ALDH18A1: variants seen among roughly 807,000 people sequenced by gnomAD.
ALDH18A1 encodes the protein aldehyde dehydrogenase 18 family member A1, also known as delta-1-pyrroline-5-carboxylate synthase.
A neutral mutation model predicts 88.8 loss-of-function variants in ALDH18A1; 44 were observed. The ratio of observed to expected loss-of-function variants is 0.50; its 90% CI spans 0.39 to 0.64. The LOEUF (loss-of-function observed/expected upper bound fraction) is 0.64. Ranked by LOEUF, ALDH18A1 falls within the 30% of genes least tolerant of loss-of-function variation. ALDH18A1 has a pLI of 0.00. For synonymous variants in ALDH18A1, 331 were observed against 372.1 expected (o/e 0.89, Z 1.27); for missense variants, 782 against 1,009.5 (o/e 0.77, Z 3.05).
At chr10:95,655,701 TG>T (rs2097916983) in intron 1 of ALDH18A1, among the ~76,000 whole-genome samples, 1 of 151,980 alleles carries the variant, frequency 6.6e-6, no homozygotes, top group East Asian at 1.9e-4. Context: ...TGTGTGTGTG[TG>T]TGTGTGTATC....
chr10:95,626,012 G>C (rs1175489937), intron 10 of ALDH18A1, among the ~76,000 whole-genome samples: 1 of 152,106 alleles, frequency 6.6e-6, no homozygotes, highest in Non-Finnish European at 1.5e-5. Flanking sequence ...CCCCAAACCT[G>C]ACCCTGCTAG....
intron 3 of ALDH18A1, among the ~76,000 whole-genome samples, chr10:95,642,051 A>G (rs1451946904): frequency 6.6e-6 from 1 of 152,208 alleles, no homozygotes; most frequent in Admixed American, 6.5e-5. Flanking sequence ...CAATTTCCCA[A>G]TATTAACACC....
chr10:95,655,518 G>C (rs2097916523), intron 1 of ALDH18A1, among the ~76,000 whole-genome samples: 1 of 150,182 alleles, frequency 6.7e-6, no homozygotes, highest in Admixed American at 6.7e-5. Flanking sequence ...TTAACCAAGA[G>C]TCATTGAAAG....
intron 11 of ALDH18A1, among the ~76,000 whole-genome samples, chr10:95,622,622 C>G (rs916475360): frequency 4.6e-5 from 7 of 152,190 alleles, no homozygotes; most frequent in Non-Finnish European, 8.8e-5. Flanking sequence ...ACTGCAAGCT[C>G]CACCTCCAGG....
At chr10:95,619,345 T>C (rs931725309) in intron 12 of ALDH18A1, among the ~76,000 whole-genome samples, 7 of 152,158 alleles carry the variant, frequency 4.6e-5, no homozygotes, top group Non-Finnish European at 7.3e-5. Flanking sequence ...ATCAATATCA[T>C]GAAAATGGCC....
intron 12 of ALDH18A1, among the ~76,000 whole-genome samples, chr10:95,619,629 C>T (rs941029555): frequency 6.6e-6 from 1 of 152,138 alleles, no homozygotes; most frequent in Non-Finnish European, 1.5e-5. Context: ...TAAGAAATAA[C>T]ACCACACATC....
chr10:95,641,862 G>A (rs776205134), intron 3 of ALDH18A1, among the ~76,000 whole-genome samples: 3 of 151,972 alleles, frequency 2.0e-5, no homozygotes, highest in African/African-American at 4.8e-5. Flanking sequence ...GGCTGGTCTC[G>A]AACTCCTGGG....
At chr10:95,649,148 T>C (rs1316234993) in intron 2 of ALDH18A1, among the ~76,000 whole-genome samples, 1 of 152,144 alleles carries the variant, frequency 6.6e-6, no homozygotes, top group Non-Finnish European at 1.5e-5. Flanking sequence ...CAAATGATGC[T>C]GGAACAACTA....
intron 5 of ALDH18A1, among the ~76,000 whole-genome samples, chr10:95,635,022 T>G (rs1392902773): frequency 6.6e-6 from 1 of 152,134 alleles, no homozygotes; most frequent in East Asian, 1.9e-4. Flanking sequence ...CTTAATGGTA[T>G]ATAAAACACA....
In ALDH18A1 at chr10:95,606,389, A is replaced by T. The variant is rs1436129496; in HGVS notation, c.*373T>A. On this transcript the variant is annotated 3_prime_UTR_variant, in exon 18 of 18. Coordinates refer to ENST00000371224, the MANE Select transcript of ALDH18A1 (RefSeq NM_002860.4). The stretch of plus-strand genomic sequence containing the variant: ...TAAAATGTGAAAAGATTTGTTAAGG[A>T]TGACTGGCTCTAGTACCAACTAAAT... The T allele has an allele frequency of 9.5e-7, 1 of 1,048,104 alleles. No individual in the cohort carries two copies. The highest frequency in any genetic ancestry group is 1.2e-6 in the Non-Finnish European group (1 of 868,742). 64.9% of individuals were successfully genotyped at this position (1,048,104 alleles called of 1,614,324 possible).
chr10:95,650,071 CA>C (rs1034759052), intron 2 of ALDH18A1, among the ~76,000 whole-genome samples: 11 of 141,502 alleles, frequency 7.8e-5, no homozygotes, highest in Admixed American at 2.1e-4. Flanking sequence ...CTCAAGAAAA[CA>C]AAAAAAAAAT....
Position 95,637,087 on chromosome 10 carries a change from T to C in ALDH18A1, c.558+6A>G, listed in dbSNP as rs751771445. ...CCCACACCCATTTCAAAGCCCAGCC[T>C]CTCACCTGGGCAGCACAGATGCTGT... On this transcript the variant is annotated splice_donor_region_variant and intron_variant, in intron 5 of 17. Coordinates refer to ENST00000371224, the MANE Select transcript of ALDH18A1 (RefSeq NM_002860.4). 5.0e-6 allele frequency: 8 copies of C among 1,613,364 alleles called. No homozygotes were observed. In the East Asian group the frequency reaches 1.6e-4, roughly 31 times the overall value.
At chr10:95,630,514 C>G (rs1428548630) in intron 7 of ALDH18A1, among the ~76,000 whole-genome samples, 1 of 152,202 alleles carries the variant, frequency 6.6e-6, no homozygotes, top group African/African-American at 2.4e-5. Flanking sequence ...AGTTCAAGAC[C>G]AGCCTGGCCA....
At chr10:95,628,545 A>G (rs2097863636) in intron 7 of ALDH18A1, 53 bp from the exon 8 acceptor site, 1 of 1,601,580 alleles carries the variant, frequency 6.2e-7, no homozygotes, top group Admixed American at 1.7e-5. Context: ...TGTCTCCAAG[A>G]CAGGCCTCCC....
chr10:95,614,132 A>G lies in ALDH18A1; in HGVS notation c.1635T>C (p.Leu545=), dbSNP rs368774840. 3.2e-5 allele frequency: 51 copies of G among 1,614,094 alleles called. No individual in the cohort carries two copies. Among genetic ancestry groups the G allele is most frequent in the Non-Finnish European group, 3.8e-5 (45 of 1,180,042 alleles). ...LVNTREEVED[L]CRLDKMIDLI... is the part of the protein sequence containing the mutation. ...GATCTATCATTTTGTCTAGGCGGCA[A>G]AGATCTTCAACTTCTTCTCTGGTAT... Residue 545 remains leucine, a synonymous_variant, in exon 14 of 18, where the codon CTT becomes CTC. Transcript: ENST00000371224.
At chr10:95,624,622 G>A (rs1048717532) in intron 11 of ALDH18A1, among the ~76,000 whole-genome samples, 2 of 152,124 alleles carry the variant, frequency 1.3e-5, no homozygotes, top group African/African-American at 4.8e-5. Context: ...GGAAAAGACA[G>A]AATTAAGAAA....
intron 11 of ALDH18A1, among the ~76,000 whole-genome samples, chr10:95,622,951 A>G (rs960747460): frequency 9.5e-4 from 144 of 152,138 alleles, no homozygotes; most frequent in Non-Finnish European, 1.9e-4. Flanking sequence ...ACCATTTGAA[A>G]TCATATATCA....
At chr10:95,643,770 G>A (rs2097896219) in intron 2 of ALDH18A1, among the ~76,000 whole-genome samples, 1 of 152,036 alleles carries the variant, frequency 6.6e-6, no homozygotes, top group Non-Finnish European at 1.5e-5. Flanking sequence ...GATTTTCCAA[G>A]TTTATGCAGT....
intron 1 of ALDH18A1, 135 bp from the exon 2 acceptor site, chr10:95,653,540 C>A: frequency 1.4e-6 from 1 of 714,824 alleles, no homozygotes; most frequent in South Asian, 1.6e-5. Flanking sequence ...AGGGAAACTC[C>A]CACCTCCTCT....
Sources: gnomAD v4.1 joint callset for allele counts (sites outside exome capture counted in the v4.1 genomes callset) on GRCh38, gnomAD v4.1.1 for gene constraint, MANE v1.5 for transcripts, NCBI Gene and HGNC (gene_info 2026-07-23, HGNC 2026-07-21) for gene names.